Variants in ZRANB3 observed in about 807,000 individuals in gnomAD.
ZRANB3 encodes the protein zinc finger RANBP2-type containing 3, also known as DNA annealing helicase and endonuclease ZRANB3.
A neutral mutation model predicts 133.8 loss-of-function variants in ZRANB3; 125 were observed. The observed-to-expected ratio is 0.93, with a 90% CI of 0.81 to 1.08. The LOEUF is 1.08. Among genes scored for constraint, ZRANB3 ranks in the 50% least tolerant of loss-of-function variants. ZRANB3 has a pLI of 0.00. For synonymous variants in ZRANB3, 387 were observed against 432.7 expected (o/e 0.89, Z 1.31); for missense variants, 1,229 against 1,275.5 (o/e 0.96, Z 0.56).
chr2:135,408,395 G>T (rs6736051), intron 2 of ZRANB3, among the ~76,000 whole-genome samples: 1 of 151,954 alleles, frequency 6.6e-6, no homozygotes, highest in South Asian at 2.1e-4. Flanking sequence ...AACTAGTTCA[G>T]CCATTGTGGA....
At chr2:135,289,316 C>T (rs547173564) in intron 8 of ZRANB3, among the ~76,000 whole-genome samples, 5 of 152,174 alleles carry the variant, frequency 3.3e-5, no homozygotes, top group Admixed American at 1.3e-4. Flanking sequence ...AGTGTAGTGG[C>T]GTGATCTCGG....
intron 3 of ZRANB3, among the ~76,000 whole-genome samples, chr2:135,384,950 T>C (rs1040584292): frequency 2.0e-5 from 3 of 152,110 alleles, no homozygotes; most frequent in Non-Finnish European, 4.4e-5. Context: ...CGGATGCACT[T>C]TCTCACCACT....
chr2:135,222,993 C>T (rs2105058146), intron 15 of ZRANB3, among the ~76,000 whole-genome samples: 1 of 152,004 alleles, frequency 6.6e-6, no homozygotes, highest in Admixed American at 6.5e-5. Flanking sequence ...GTGGCTCACA[C>T]CTGTAATCCC....
rs1277132727 is a variant in ZRANB3, at chr2:135,219,083, G to A, written c.2346C>T (p.Arg782=). 2 of 1,496,960 alleles carry A rather than the reference G, an allele frequency of 1.3e-6. No homozygotes were observed. The highest frequency in any genetic ancestry group is 5.1e-5 in the East Asian group (2 of 39,520). 92.7% of individuals were successfully genotyped at this position (1,496,960 alleles called of 1,614,324 possible). The change falls in exon 16 of 21, where the codon CGC becomes CGT. Residue 782 remains arginine, a synonymous_variant. Transcript: ENST00000264159. ...TATTTAAAACTATTCTTACCAGTGAGCGATATTGTTTCAGCTGAAAGCTTG... is the reference window on the plus strand; with the variant it reads ...TATTTAAAACTATTCTTACCAGTGAACGATATTGTTTCAGCTGAAAGCTTG... ...LPASFQLKQY[R]SLILRFVREW...
In ZRANB3 at chr2:135,353,573, T is replaced by G. The variant is rs764844352; in HGVS notation, c.236A>C (p.Glu79Ala). Reference sequence around the variant, plus strand: ...AGGGACCACTATTAACAGAGGCCATTCCTCTTTATAGAAGTAAGTAATTCC... The same window carrying G: ...AGGGACCACTATTAACAGAGGCCATGCCTCTTTATAGAAGTAAGTAATTCC... ...AIGITYFYKE[E>A]WPLLIVVPSS... is the part of the protein sequence containing the mutation. The change falls in exon 4 of 21, where the codon GAA becomes GCA. Residue 79 changes from glutamate (E) to alanine (A), a missense_variant. Coordinates refer to ENST00000264159, the MANE Select transcript of ZRANB3 (RefSeq NM_032143.4). 2 of 1,605,882 alleles carry G rather than the reference T, an allele frequency of 1.2e-6. No individual in the cohort carries two copies. The highest frequency in any genetic ancestry group is 2.2e-5 in the South Asian group (2 of 89,794).
intron 2 of ZRANB3, among the ~76,000 whole-genome samples, chr2:135,412,809 G>C (rs1225373504): frequency 2.6e-5 from 4 of 152,042 alleles, no homozygotes; most frequent in Non-Finnish European, 5.9e-5. Flanking sequence ...AATGGAATCA[G>C]ACTAATGAAG....
intron 2 of ZRANB3, among the ~76,000 whole-genome samples, chr2:135,438,246 T>G (rs764523958): frequency 5.9e-5 from 9 of 152,164 alleles, no homozygotes; most frequent in Non-Finnish European, 1.2e-4. Context: ...TATTTTCATG[T>G]CTATACATTT....
Position 135,217,470 on chromosome 2 carries a change from G to C in ZRANB3, c.2490C>G (p.Thr830=). 9 of 1,604,128 alleles carry C rather than the reference G, an allele frequency of 5.6e-6. No individual in the cohort carries two copies. Among genetic ancestry groups the C allele is most frequent in the African/African-American group, 1.3e-5 (1 of 74,512 alleles). ...ITKQQTKQNC[T]KRYITKEDVA... is the part of the protein sequence containing the mutation. Reference sequence around the variant, plus strand: ...TAAAAAAAGACAACTCATACCTTTTGGTGCAATTTTGTTTGGTTTGTTGCT... The same window carrying C: ...TAAAAAAAGACAACTCATACCTTTTCGTGCAATTTTGTTTGGTTTGTTGCT... The change falls in exon 17 of 21, where the codon ACC becomes ACG. Residue 830 remains threonine (T), a synonymous_variant. Transcript: ENST00000264159.
rs374419789 is a variant in ZRANB3 at position 135,230,808 on chromosome 2, T to C, written c.1659A>G (p.Ser553=). The C allele has an allele frequency of 6.2e-7, 1 of 1,613,904 alleles. No individual in the cohort carries two copies. The change falls in exon 13 of 21, where the codon TCA becomes TCG. Residue 553 remains serine (S), a synonymous_variant. Coordinates refer to ENST00000264159, the MANE Select transcript of ZRANB3 (RefSeq NM_032143.4). ...TTGCAGCTGTTTTTGTAGGGTCTGA[T>C]GACACTACAGTATTTTCCTCCCGGA... ...KRFREENTVV[S]SDPTKTAARD...
chr2:135,418,107 T>C (rs1409934912), intron 2 of ZRANB3, among the ~76,000 whole-genome samples: 2 of 152,012 alleles, frequency 1.3e-5, no homozygotes, highest in African/African-American at 4.8e-5. Flanking sequence ...ACTTAAAGTA[T>C]AATAATAATA....
At chr2:135,502,054 A>C (rs758174861) in intron 2 of ZRANB3, among the ~76,000 whole-genome samples, 2 of 152,210 alleles carry the variant, frequency 1.3e-5, no homozygotes, top group African/African-American at 4.8e-5. Flanking sequence ...TATATTGCCA[A>C]TGAAAATATT....
chr2:135,524,624 A>G (rs1399853856), intron 1 of ZRANB3, among the ~76,000 whole-genome samples: 1 of 152,180 alleles, frequency 6.6e-6, no homozygotes, highest in African/African-American at 2.4e-5. Flanking sequence ...TAACAAGAAA[A>G]TGACTGAAAA....
At chr2:135,402,619 T>C (rs1469430735) in intron 2 of ZRANB3, among the ~76,000 whole-genome samples, 1 of 150,380 alleles carries the variant, frequency 6.6e-6, no homozygotes, top group Admixed American at 6.6e-5. Flanking sequence ...ACAGTTTCGC[T>C]CTTGTCACCC....
chr2:135,507,787 CT>C (rs1412818174), intron 1 of ZRANB3, among the ~76,000 whole-genome samples: 1 of 151,620 alleles, frequency 6.6e-6, no homozygotes, highest in Admixed American at 6.6e-5. Context: ...GATCTTGTTG[CT>C]TACAAAAGAT....
chr2:135,401,957 A>G (rs1218195458), intron 2 of ZRANB3, among the ~76,000 whole-genome samples: 1 of 152,210 alleles, frequency 6.6e-6, no homozygotes, highest in Non-Finnish European at 1.5e-5. Flanking sequence ...GCCAAATAAT[A>G]CTATCATATT....
intron 2 of ZRANB3, among the ~76,000 whole-genome samples, chr2:135,438,024 G>A (rs1409055484): frequency 6.6e-6 from 1 of 152,086 alleles, no homozygotes; most frequent in Non-Finnish European, 1.5e-5. Flanking sequence ...CCTCCTCTGG[G>A]ACATGTGTGC....
chr2:135,242,976 T>G (rs1267135967), intron 12 of ZRANB3, among the ~76,000 whole-genome samples: 1 of 152,246 alleles, frequency 6.6e-6, no homozygotes, highest in Non-Finnish European at 1.5e-5. Context: ...CTGTTTCTTT[T>G]GTATCTCATT....
At chr2:135,385,187 T>C (rs566772944) in intron 3 of ZRANB3, among the ~76,000 whole-genome samples, 1 of 152,158 alleles carries the variant, frequency 6.6e-6, no homozygotes, top group African/African-American at 2.4e-5. Flanking sequence ...AGCATTCTTA[T>C]ACACCAATAA....
rs562713964 is a variant in ZRANB3, at chr2:135,372,859, G to T, written c.180+17943C>A. Among the ~76,000 whole-genome samples, 4 of 151,198 alleles carry T rather than the reference G, an allele frequency of 2.6e-5. No homozygotes were observed. In the East Asian group the frequency reaches 7.8e-4, roughly 30 times the overall value. On this transcript the variant is annotated intron_variant, in intron 3 of 20. Transcript: ENST00000264159. ...CTAGCACTTTGGGAGGCCAAGGCAG[G>T]ATTGCTTAGGCTAGGAGTTTGAGAC... is the stretch of plus-strand genomic sequence containing the variant.
Sources: allele counts gnomAD v4.1 joint callset (sites outside exome capture counted in the v4.1 genomes callset), GRCh38; gene constraint gnomAD v4.1.1; transcripts MANE v1.5; gene names NCBI Gene and HGNC (gene_info 2026-07-23, HGNC 2026-07-21).